Variants in MACF1 observed in about 807,000 individuals in gnomAD.
MACF1 encodes the protein microtubule-actin cross-linking factor 1.
In MACF1, 193 loss-of-function variants were observed where a neutral mutation model predicts 854.8. That is an observed-to-expected ratio of 0.23 (90% CI 0.20 to 0.25). The LOEUF (loss-of-function observed/expected upper bound fraction) is 0.25, where lower values mean the gene tolerates loss of function less well. Ranked by LOEUF, MACF1 falls within the 10% of genes least tolerant of loss-of-function variation. MACF1 has a pLI of 1.00. For missense variants in MACF1, 7,722 were observed against 8,929.1 expected (o/e 0.86, Z 5.45); for synonymous variants, 3,185 against 3,226.7 (o/e 0.99, Z 0.44).
intron 1 of MACF1, among the ~76,000 whole-genome samples, chr1:39,207,377 T>C (rs1472155010): frequency 6.6e-6 from 1 of 151,152 alleles, no homozygotes; most frequent in Non-Finnish European, 1.5e-5. Context: ...GCCTCCCGGG[T>C]TCAAGTGATT....
intron 2 of MACF1, among the ~76,000 whole-genome samples, chr1:39,095,227 C>A (rs1641906280): frequency 6.6e-6 from 1 of 152,056 alleles, no homozygotes; most frequent in South Asian, 2.1e-4. Flanking sequence ...GGGTATGGGG[C>A]AAGACTCCTG....
chr1:39,232,014 A>C (rs1188305378), intron 2 of MACF1, among the ~76,000 whole-genome samples: 1 of 150,874 alleles, frequency 6.6e-6, no homozygotes, highest in African/African-American at 2.4e-5. Context: ...GGGCTGAATG[A>C]AGATTATTAT....
At chr1:39,204,559 T>C (rs1000781721), upstream of MACF1, 1 of 154,230 alleles carries the variant, frequency 6.5e-6, no homozygotes, top group African/African-American at 2.4e-5. Flanking sequence ...TTTTTTCTTC[T>C]GGCTACATCC....
rs986901055 is a variant in MACF1 at position 39,409,029 on chromosome 1, A to G, written c.15817-13345A>G. On this transcript the variant is annotated intron_variant, in intron 58 of 100. Coordinates refer to ENST00000564288, the MANE Select transcript of MACF1 (RefSeq NM_001394062.1). This position sits in a 1 kb window ranked among gnomAD's most constrained non-coding sequence, Gnocchi z 4.2. ...GGGGGCTGCCCGGGCGGGGCGGCGCAGCGCGGCGGCGCGGGGAAGGGGGAG... is the reference window on the plus strand; with the variant it reads ...GGGGGCTGCCCGGGCGGGGCGGCGCGGCGCGGCGGCGCGGGGAAGGGGGAG... 5.4e-5 allele frequency among the ~76,000 whole-genome samples: 8 copies of G among 149,164 alleles called. No homozygotes were observed. The highest frequency in any genetic ancestry group is 8.9e-5 in the Non-Finnish European group (6 of 67,218).
chr1:39,257,534 C>G (rs966822300), intron 5 of MACF1: 6 of 166,160 alleles, frequency 3.6e-5, no homozygotes, highest in Admixed American at 6.4e-5. Flanking sequence ...GATCTCCTGA[C>G]CTCGTGATCC....
At chr1:39,225,803 G>A (rs1644709868) in intron 1 of MACF1, among the ~76,000 whole-genome samples, 2 of 152,142 alleles carry the variant, frequency 1.3e-5, no homozygotes, top group African/African-American at 4.8e-5. Context: ...AACCTTCAAT[G>A]TTAGTCAGAA....
rs745589135 is a variant in MACF1, at chr1:39,378,542, C to A, written c.13276+19C>A. The A allele has an allele frequency of 1.9e-6, 3 of 1,610,834 alleles. No individual in the cohort carries two copies. The East Asian group carries it at 6.7e-5, about 36-fold the overall frequency. ...TGCAAAGGTGAGAATGCCATTTCAACAGTGCTTCTTTGTTGGATGTGTTAG... is the reference window on the plus strand; with the variant it reads ...TGCAAAGGTGAGAATGCCATTTCAAAAGTGCTTCTTTGTTGGATGTGTTAG... On this transcript the variant is annotated intron_variant, in intron 53 of 100. Coordinates refer to ENST00000564288, the MANE Select transcript of MACF1 (RefSeq NM_001394062.1).
chr1:39,450,610 C>CTTTT lies in MACF1; in HGVS notation c.20259-426_20259-423dup, dbSNP rs11398407. ...CTCTCAGTCACTTTTTACTCTATTT[C>CTTTT]TTTTTTTTTTTTTTTTTTTGAGATG... On this transcript the variant is annotated intron_variant, in intron 84 of 100. Coordinates refer to ENST00000564288, the MANE Select transcript of MACF1 (RefSeq NM_001394062.1). Among the ~76,000 whole-genome samples, 12 of 115,250 alleles carry CTTTT rather than the reference C, an allele frequency of 1.0e-4. 1 individual carries two copies. The highest frequency in any genetic ancestry group is 1.6e-4 in the African/African-American group (5 of 31,238). 75.6% of individuals were successfully genotyped at this position (115,250 alleles called of 152,430 possible).
chr1:39,408,710 C>T lies in MACF1; in HGVS notation c.15817-13664C>T, dbSNP rs549389431. On this transcript the variant is annotated intron_variant, in intron 58 of 100. Coordinates refer to ENST00000564288, the MANE Select transcript of MACF1 (RefSeq NM_001394062.1). ...TTGTCAGGGGATTTGCGCCGCGCAG[C>T]CCAGACTCGCGCGGGTTCCGTTCCT... is the stretch of plus-strand genomic sequence containing the variant. 2.4e-4 allele frequency among the ~76,000 whole-genome samples: 36 copies of T among 152,152 alleles called. 1 individual carries two copies. Among genetic ancestry groups the T allele is most frequent in the African/African-American group, 8.7e-4 (36 of 41,536 alleles).
At chr1:39,312,268 A>G (rs1646316607) in intron 26 of MACF1, among the ~76,000 whole-genome samples, 1 of 152,102 alleles carries the variant, frequency 6.6e-6, no homozygotes, top group South Asian at 2.1e-4. Context: ...TCCTTTTTAA[A>G]ACTTTATTTT....
At chr1:39,349,721 C>T in intron 42 of MACF1, 94 bp downstream of exon 42, 1 of 1,332,234 alleles carries the variant, frequency 7.5e-7, no homozygotes, top group Non-Finnish European at 1.0e-6. Flanking sequence ...CAGCTTCGAT[C>T]TCCTGGGCTC....
chr1:39,425,139 A>T (rs1031951842), intron 61 of MACF1, among the ~76,000 whole-genome samples: 3 of 151,524 alleles, frequency 2.0e-5, no homozygotes, highest in Admixed American at 1.3e-4. Context: ...TAAAACCTCG[A>T]CTCCATTTTT....
At chr1:39,446,722 T>C (rs1299807355) in intron 80 of MACF1, among the ~76,000 whole-genome samples, 1 of 152,130 alleles carries the variant, frequency 6.6e-6, no homozygotes, top group Non-Finnish European at 1.5e-5. Context: ...AAAAGGTTAG[T>C]GTAGGTCTCT....
chr1:39,404,341 C>G (rs1303041829), intron 58 of MACF1, among the ~76,000 whole-genome samples: 3 of 150,916 alleles, frequency 2.0e-5, no homozygotes, highest in Non-Finnish European at 4.4e-5. Context: ...CATGGTGGTG[C>G]ACACCTGTCA....
upstream of MACF1, among the ~76,000 whole-genome samples, chr1:39,202,672 A>G (rs994061755): frequency 4.6e-5 from 7 of 151,556 alleles, no homozygotes; most frequent in Non-Finnish European, 7.4e-5. Context: ...ATTGACATTG[A>G]CACTCCATCT....
chr1:39,465,189 G>A, intron 95 of MACF1, 77 bp downstream of exon 95: 1 of 1,415,944 alleles, frequency 7.1e-7, no homozygotes, highest in South Asian at 1.1e-5. Context: ...CTTCGCTATG[G>A]GGAGAGGATG....
At chr1:39,134,125 C>T (rs989740668) in intron 2 of MACF1, among the ~76,000 whole-genome samples, 1 of 144,896 alleles carries the variant, frequency 6.9e-6, no homozygotes, top group Non-Finnish European at 1.5e-5. Flanking sequence ...ACTGCAAGCT[C>T]CGCCTCCCGG....
At chr1:39,308,330 CT>C (rs1384930660) in intron 23 of MACF1, among the ~76,000 whole-genome samples, 2 of 151,800 alleles carry the variant, frequency 1.3e-5, no homozygotes, top group Non-Finnish European at 2.9e-5. Flanking sequence ...TTTGTTGTTG[CT>C]TTTTTATATT....
chr1:39,270,413 G>T (rs1181006545), intron 6 of MACF1, among the ~76,000 whole-genome samples: 2 of 152,146 alleles, frequency 1.3e-5, no homozygotes, highest in Non-Finnish European at 2.9e-5. Flanking sequence ...TGTATTTAGG[G>T]CTTTAACATG....
Sources: allele counts gnomAD v4.1 joint callset (sites outside exome capture counted in the v4.1 genomes callset), GRCh38; gene constraint gnomAD v4.1.1; non-coding constraint Gnocchi (gnomAD v3.1); transcripts MANE v1.5; gene names NCBI Gene and HGNC (gene_info 2026-07-23, HGNC 2026-07-21).